The following ATP8A1 variants were observed in gnomAD, a reference collection of about 807,000 sequenced individuals.
The protein encoded by ATP8A1 is ATPase phospholipid transporting 8A1.
Under a neutral mutation model 177.7 loss-of-function variants are expected in ATP8A1, and 90 were observed. The ratio of observed to expected loss-of-function variants is 0.51; its 90% CI spans 0.43 to 0.60. The LOEUF is 0.60. Ranked by LOEUF, ATP8A1 falls within the 20% of genes least tolerant of loss-of-function variation. The pLI, the probability that ATP8A1 is intolerant of heterozygous loss-of-function variation, is 0.00. For missense variants in ATP8A1, 1,072 were observed against 1,392.8 expected (o/e 0.77, Z 3.67); for synonymous variants, 493 against 485.9 (o/e 1.01, Z -0.19).
At chr4:42,451,954 CT>C in intron 30 of ATP8A1, 26 bp downstream of exon 30, 1 of 1,495,604 alleles carries the variant, frequency 6.7e-7, no homozygotes, top group Non-Finnish European at 9.2e-7. Flanking sequence ...AAAGTCATCT[CT>C]TTGCATTCAT....
intron 10 of ATP8A1, 43 bp from the exon 11 acceptor site, chr4:42,580,021 T>C (rs775394897): frequency 4.7e-6 from 7 of 1,476,566 alleles, no homozygotes; most frequent in Non-Finnish European, 6.5e-6. Context: ...TGTACACCAA[T>C]GATTTAGCAA....
chr4:42,617,127 T>C (rs7662333), intron 4 of ATP8A1, among the ~76,000 whole-genome samples: 34,385 of 152,128 alleles, frequency 0.23, 4,355 homozygotes, highest in Non-Finnish European at 0.29. Context: ...AATCACAGTG[T>C]GCATATGAAA....
rs193288041 is a variant in ATP8A1, at chr4:42,637,555, A to G, written c.50-10446T>C. Among the ~76,000 whole-genome samples the G allele has an allele frequency of 8.5e-5, 13 of 152,306 alleles. No homozygotes were observed. In the East Asian group the frequency reaches 2.5e-3, roughly 29 times the overall value. On this transcript the variant is annotated intron_variant, in intron 1 of 36. Transcript: ENST00000381668. Reference sequence around the variant, plus strand: ...TACAAAAGGGTTCACTTTTTAAAAGAGTTCTAAAAATGAAGATTAGGAGAC... The same window carrying G: ...TACAAAAGGGTTCACTTTTTAAAAGGGTTCTAAAAATGAAGATTAGGAGAC...
In ATP8A1 at chr4:42,443,623, A is replaced by T; in HGVS notation, c.3065T>A (p.Phe1022Tyr). ...WGSIALWVVF[F>Y]GIYSSLWPAI... The stretch of plus-strand genomic sequence containing the variant: ...AGGCCACAGAGATGAGTAGATTCCA[A>T]AAAACACCACCCAGAGTGCGATGCT... The change falls in exon 33 of 37, where the codon TTT (phenylalanine) becomes TAT (tyrosine). Residue 1022 changes from phenylalanine (F) to tyrosine (Y), a missense_variant. Physicochemically the swap from Phe to Tyr is conservative, Grantham distance 22. Transcript: ENST00000381668. The T allele has an allele frequency of 6.3e-7, 1 of 1,574,858 alleles. No individual in the cohort carries two copies. Among genetic ancestry groups the T allele is most frequent in the Non-Finnish European group, 8.7e-7 (1 of 1,144,280 alleles).
intron 9 of ATP8A1, among the ~76,000 whole-genome samples, chr4:42,585,450 G>A (rs1027753380): frequency 2.0e-5 from 3 of 149,060 alleles, no homozygotes; most frequent in South Asian, 4.4e-4. Context: ...ATCAGAAGGT[G>A]GGGACTTTGG....
At chr4:42,589,559 A>G (rs1278994717) in intron 7 of ATP8A1, among the ~76,000 whole-genome samples, 5 of 152,182 alleles carry the variant, frequency 3.3e-5, no homozygotes, top group African/African-American at 1.2e-4. Context: ...TCTTCAATTT[A>G]CCCTATGAGC....
At chr4:42,447,650 C>T (rs1366374803) in intron 30 of ATP8A1, among the ~76,000 whole-genome samples, 1 of 152,196 alleles carries the variant, frequency 6.6e-6, no homozygotes, top group East Asian at 1.9e-4. Context: ...TGCACATATT[C>T]AACGTTTATT....
intron 4 of ATP8A1, among the ~76,000 whole-genome samples, chr4:42,619,653 A>G (rs1056000419): frequency 2.6e-5 from 4 of 151,590 alleles, no homozygotes; most frequent in African/African-American, 9.7e-5. Flanking sequence ...ATCTATATAT[A>G]TAGAGAGATT....
chr4:42,550,135 T>G (rs1386005488), intron 18 of ATP8A1, among the ~76,000 whole-genome samples: 1 of 151,784 alleles, frequency 6.6e-6, no homozygotes. Context: ...ATAAATCACT[T>G]TTTCCTGATC....
chr4:42,477,955 G>A (rs1262909333), intron 25 of ATP8A1, among the ~76,000 whole-genome samples: 1 of 152,080 alleles, frequency 6.6e-6, no homozygotes, highest in African/African-American at 2.4e-5. Flanking sequence ...ACTCCAGCCT[G>A]GGCAACAGAG....
intron 4 of ATP8A1, among the ~76,000 whole-genome samples, chr4:42,623,684 G>C (rs555473884): frequency 1.6e-4 from 24 of 152,210 alleles, no homozygotes; most frequent in African/African-American, 5.8e-4. Flanking sequence ...ACCACATACT[G>C]AGGCGCATTG....
At chr4:42,596,208 T>C (rs1399844007) in intron 6 of ATP8A1, among the ~76,000 whole-genome samples, 1 of 152,150 alleles carries the variant, frequency 6.6e-6, no homozygotes, top group African/African-American at 2.4e-5. Flanking sequence ...CATATTCTAA[T>C]TGGAGGAATG....
chr4:42,651,406 TC>T (rs1741084641), intron 1 of ATP8A1, among the ~76,000 whole-genome samples: 1 of 152,156 alleles, frequency 6.6e-6, no homozygotes, highest in African/African-American at 2.4e-5. Flanking sequence ...AGTATGGAAC[TC>T]CCTAGAGACT....
At chr4:42,472,108 T>A (rs139694565) in intron 25 of ATP8A1, 1 of 697,444 alleles carries the variant, frequency 1.4e-6, no homozygotes, top group Non-Finnish European at 2.7e-6. Flanking sequence ...CAGAGGAGAA[T>A]TCTGCCTAAG....
chr4:42,657,053 A>C lies in ATP8A1; in HGVS notation c.-180T>G, dbSNP rs547140412. On this transcript the variant is annotated 5_prime_UTR_variant, in exon 1 of 37. Transcript: ENST00000381668. ...CCCGCACGCCGACAGGAGGAGGAGA[A>C]AGGCAGCGGTGGCGGCGAAGGTGGC... The C allele has an allele frequency of 1.1e-3, 600 of 532,322 alleles. 2 individuals carry two copies. Among genetic ancestry groups the C allele is most frequent in the African/African-American group, 0.011 (539 of 50,780 alleles). 33.0% of individuals were successfully genotyped at this position (532,322 alleles called of 1,614,324 possible). A position where few individuals can be genotyped will look rare whatever the true frequency, so the allele number is the denominator to read the frequency against.
At chr4:42,497,978 C>T (rs1461163218) in intron 24 of ATP8A1, among the ~76,000 whole-genome samples, 1 of 152,158 alleles carries the variant, frequency 6.6e-6, no homozygotes, top group Non-Finnish European at 1.5e-5. Context: ...CAAAGTTAAA[C>T]TTTGATCTTA....
intron 12 of ATP8A1, among the ~76,000 whole-genome samples, chr4:42,576,583 T>C (rs1293356304): frequency 6.6e-6 from 1 of 150,474 alleles, no homozygotes; most frequent in Non-Finnish European, 1.5e-5. Context: ...CCTATGAAAT[T>C]AACATTTTCT....
Position 42,574,516 on chromosome 4 carries a change from C to G in ATP8A1, c.1295+103G>C, listed in dbSNP as rs1577620503. On this transcript the variant is annotated intron_variant, in intron 14 of 36. Coordinates refer to ENST00000381668, the MANE Select transcript of ATP8A1 (RefSeq NM_006095.2). ...AGCTGCTTTTCAGACTAAAAAAAACCAAACAACCCCATACCCTCCCCTAAT... is the reference window on the plus strand; with the variant it reads ...AGCTGCTTTTCAGACTAAAAAAAACGAAACAACCCCATACCCTCCCCTAAT... 4.4e-6 allele frequency: 4 copies of G among 901,920 alleles called. No homozygotes were observed. The East Asian group carries it at 1.1e-4, about 25-fold the overall frequency. The allele number at this position is 901,920 out of a possible 1,614,324, so 55.9% of individuals were successfully genotyped here.
intron 20 of ATP8A1, among the ~76,000 whole-genome samples, chr4:42,526,400 G>C (rs1005527579): frequency 6.6e-6 from 1 of 152,162 alleles, no homozygotes; most frequent in Non-Finnish European, 1.5e-5. Flanking sequence ...ATTGATCCTG[G>C]GTGTGTCTGT....
Sources: gnomAD v4.1 joint callset for allele counts (sites outside exome capture counted in the v4.1 genomes callset) on GRCh38, gnomAD v4.1.1 for gene constraint, MANE v1.5 for transcripts, NCBI Gene and HGNC (gene_info 2026-07-23, HGNC 2026-07-21) for gene names.